CDH12: variants seen among roughly 807,000 people sequenced by gnomAD.
The protein encoded by CDH12 is cadherin 12, also known as cadherin-12.
Under a neutral mutation model 74.1 loss-of-function variants are expected in CDH12, and 41 were observed. The observed-to-expected ratio is 0.55, with a 90% CI of 0.43 to 0.72. The LOEUF (loss-of-function observed/expected upper bound fraction) is 0.72, where lower values mean the gene tolerates loss of function less well. CDH12 is among the 30% of genes least tolerant of loss of function. The probability of loss-of-function intolerance (pLI) is 0.00; values close to 1 mark genes in which losing one functional copy is unlikely to be tolerated. For synonymous variants in CDH12, 399 were observed against 355.0 expected, an observed-to-expected ratio of 1.12 and a Z score of -1.39; for missense variants, 945 against 977.2, an observed-to-expected ratio of 0.97 and a Z score of 0.44.
At chr5:21,789,707 T>C (rs1746388274) in intron 10 of CDH12, among the ~76,000 whole-genome samples, 2 of 152,158 alleles carry the variant, frequency 1.3e-5, no homozygotes, top group Non-Finnish European at 2.9e-5. Context: ...TTTGAAAATC[T>C]CTGCAATGAA....
chr5:21,941,541 A>G (rs1290990617), intron 6 of CDH12, among the ~76,000 whole-genome samples: 8 of 151,864 alleles, frequency 5.3e-5, no homozygotes, highest in Non-Finnish European at 1.0e-4. Context: ...AAGAAACTCA[A>G]CTGAAAATCT....
At chr5:22,522,340 A>G (rs1580730030) in intron 1 of CDH12, among the ~76,000 whole-genome samples, 1 of 152,204 alleles carries the variant, frequency 6.6e-6, no homozygotes, top group African/African-American at 2.4e-5. Flanking sequence ...AGCATCAAAT[A>G]TCTATTTTTA....
At chr5:21,887,498 C>T (rs140134644) in intron 6 of CDH12, among the ~76,000 whole-genome samples, 5 of 152,240 alleles carry the variant, frequency 3.3e-5, no homozygotes, top group East Asian at 3.9e-4. Flanking sequence ...AATCTGGCTG[C>T]CTGTGACTTT....
intron 1 of CDH12, among the ~76,000 whole-genome samples, chr5:22,830,634 T>C (rs1736558546): frequency 6.6e-6 from 1 of 151,018 alleles, no homozygotes; most frequent in Non-Finnish European, 1.5e-5. Flanking sequence ...CTTTCTATAT[T>C]TTCTGTTTCT....
intron 5 of CDH12, among the ~76,000 whole-genome samples, chr5:22,022,925 G>A (rs556137257): frequency 6.6e-6 from 1 of 152,188 alleles, no homozygotes; most frequent in East Asian, 1.9e-4. Context: ...CCAAAGCAGT[G>A]CAAAATAATC....
intron 4 of CDH12, among the ~76,000 whole-genome samples, chr5:22,156,203 T>A (rs1424704389): frequency 6.6e-6 from 1 of 152,158 alleles, no homozygotes; most frequent in East Asian, 1.9e-4. Flanking sequence ...TCATCAGAAG[T>A]CAGTTTCTAA....
At chr5:22,190,358 GTCTA>G (rs79679304) in intron 4 of CDH12, among the ~76,000 whole-genome samples, 34,302 of 119,374 alleles carry the variant, frequency 0.29, 3,927 homozygotes, top group South Asian at 0.34. Context: ...CTGTCTGTCT[GTCTA>G]TCTATCTATC....
At chr5:21,777,768 GGCATGAGCCACCAT>G (rs1324743615) in intron 11 of CDH12, among the ~76,000 whole-genome samples, 2 of 152,102 alleles carry the variant, frequency 1.3e-5, no homozygotes, top group Non-Finnish European at 2.9e-5. Context: ...TGGGATTGCA[GGCATGAGCCACCAT>G]GCCCAGCCTA....
In CDH12 at chr5:22,075,666, A is replaced by G. The variant is rs539633678; in HGVS notation, c.231+2780T>C. Among the ~76,000 whole-genome samples, 15 of 152,146 alleles carry G rather than the reference A, an allele frequency of 9.9e-5. No individual in the cohort carries two copies. The South Asian group carries it at 3.1e-3, about 32-fold the overall frequency. Reference sequence around the variant, plus strand: ...TAAGTATGTTTTAATTGACTAGGCTATCAGTAAAGCTTTGGGTCAACAGAA... The same window carrying G: ...TAAGTATGTTTTAATTGACTAGGCTGTCAGTAAAGCTTTGGGTCAACAGAA... On this transcript the variant is annotated intron_variant, in intron 5 of 14. Transcript: ENST00000382254.
In CDH12 at chr5:22,710,550, C is replaced by T. The variant is rs547975211; in HGVS notation, c.-523+142508G>A. ...GCTTCATAATATTATTTATCTCAGC[C>T]TCCTGAGGGTAAGGATTTTTGCTTA... On this transcript the variant is annotated intron_variant, in intron 1 of 14. Coordinates refer to ENST00000382254, the MANE Select transcript of CDH12 (RefSeq NM_004061.5). 3.6e-4 allele frequency among the ~76,000 whole-genome samples: 55 copies of T among 152,148 alleles called. 1 individual carries two copies. In the South Asian group the frequency reaches 0.011, roughly 32 times the overall value.
At chr5:22,586,501 A>ATATATG (rs1740409475) in intron 1 of CDH12, among the ~76,000 whole-genome samples, 1 of 149,414 alleles carries the variant, frequency 6.7e-6, no homozygotes, top group Non-Finnish European at 1.5e-5. Context: ...ATATATATAT[A>ATATATG]TATAAATAAA....
At chr5:21,993,688 A>G (rs1736101142) in intron 5 of CDH12, among the ~76,000 whole-genome samples, 1 of 152,110 alleles carries the variant, frequency 6.6e-6, no homozygotes, top group African/African-American at 2.4e-5. Context: ...GAGCCTCAAG[A>G]GACGAACACA....
chr5:22,065,156 C>T (rs1723190392), intron 5 of CDH12, among the ~76,000 whole-genome samples: 1 of 152,128 alleles, frequency 6.6e-6, no homozygotes, highest in African/African-American at 2.4e-5. Context: ...CCAGGACCCA[C>T]CTCACTGCTC....
At chr5:22,108,280 G>A (rs796540425) in intron 4 of CDH12, among the ~76,000 whole-genome samples, 64 of 152,214 alleles carry the variant, frequency 4.2e-4, no homozygotes, top group African/African-American at 1.4e-3. Flanking sequence ...CTCTTCCTTC[G>A]TCTTCTGCCA....
intron 3 of CDH12, among the ~76,000 whole-genome samples, chr5:22,272,133 C>T (rs1736427084): frequency 6.6e-6 from 1 of 152,190 alleles, no homozygotes; most frequent in African/African-American, 2.4e-5. Flanking sequence ...GTGTAACCAC[C>T]TTCATCAATG....
At chr5:22,542,398 G>C (rs1042783625) in intron 1 of CDH12, among the ~76,000 whole-genome samples, 4 of 152,168 alleles carry the variant, frequency 2.6e-5, no homozygotes, top group Admixed American at 2.6e-4. Context: ...TTGCCAAGTG[G>C]CTGTTCAATC....
intron 3 of CDH12, among the ~76,000 whole-genome samples, chr5:22,382,270 TTATA>T (rs1357491717): frequency 6.8e-6 from 1 of 147,062 alleles, no homozygotes; most frequent in Admixed American, 6.9e-5. Flanking sequence ...AGAATACATA[TTATA>T]TATAGTCTAT....
chr5:21,961,234 A>G (rs1274138853), intron 6 of CDH12, among the ~76,000 whole-genome samples: 1 of 152,128 alleles, frequency 6.6e-6, no homozygotes, highest in Non-Finnish European at 1.5e-5. Flanking sequence ...AGTTGTATAA[A>G]CATTGAGAAT....
At chr5:22,798,068 C>T (rs1748320302) in intron 1 of CDH12, among the ~76,000 whole-genome samples, 1 of 152,186 alleles carries the variant, frequency 6.6e-6, no homozygotes, top group Non-Finnish European at 1.5e-5. Flanking sequence ...CCTTCCTACT[C>T]TCCCTTATTT....
Sources: allele counts gnomAD v4.1 joint callset (sites outside exome capture counted in the v4.1 genomes callset), GRCh38; gene constraint gnomAD v4.1.1; transcripts MANE v1.5; gene names NCBI Gene and HGNC (gene_info 2026-07-23, HGNC 2026-07-21).